The following TBL1Y variants were observed in gnomAD, a reference collection of about 807,000 sequenced individuals.
TBL1Y encodes F-box-like/WD repeat-containing protein TBL1Y.
A neutral mutation model predicts 12.0 loss-of-function variants in TBL1Y; 15 were observed. The ratio of observed to expected loss-of-function variants is 1.25; its 90% confidence interval spans 0.83 to 1.92. TBL1Y has a LOEUF of 1.92. Ranked by LOEUF, TBL1Y falls within the 40% of genes most tolerant of loss-of-function variation. The probability of loss-of-function intolerance (pLI) is 0.00; values close to 1 mark genes in which losing one functional copy is unlikely to be tolerated. For synonymous variants in TBL1Y, 53 were observed against 42.6 expected (o/e 1.24, Z -0.95); for missense variants, 148 against 116.7 (o/e 1.27, Z -1.24).
intron 2 of TBL1Y, among the ~76,000 whole-genome samples, chrY:6,968,584 G>A: frequency 3.0e-5 from 1 of 33,734 alleles, no homozygotes; most frequent in Non-Finnish European, 7.3e-5. Flanking sequence ...TGAACTTTCA[G>A]CACAACTGTG....
chrY:7,017,245 A>AC (rs2012555543), intron 4 of TBL1Y, among the ~76,000 whole-genome samples: 1 of 33,228 alleles, frequency 3.0e-5, no homozygotes, highest in Non-Finnish European at 7.4e-5. Flanking sequence ...ATATAGTGAG[A>AC]CCCCATCTCT....
chrY:6,925,607 G>A, intron 2 of TBL1Y, among the ~76,000 whole-genome samples: 2 of 32,823 alleles, frequency 6.1e-5, no homozygotes, highest in Non-Finnish European at 1.5e-4. Context: ...TTATCAGAAT[G>A]GGGTTTCACT....
intron 7 of TBL1Y, 134 bp from the exon 8 acceptor site, chrY:7,063,763 C>T: frequency 2.4e-5 from 5 of 204,360 alleles, no homozygotes; most frequent in Non-Finnish European, 3.4e-5. Flanking sequence ...CTACTTCCCC[C>T]GTGGCCCCCT....
rs774459451 is a variant in TBL1Y, at chrY:7,025,885, A to G, written c.58+743A>G. Among the ~76,000 whole-genome samples, 31 of 33,071 alleles carry G rather than the reference A, an allele frequency of 9.4e-4. No homozygotes were observed. The East Asian group carries it at 0.025, about 27-fold the overall frequency. The allele number at this position is 33,071 out of a possible 37,273, so 88.7% of individuals were successfully genotyped here. A position where few individuals can be genotyped will look rare whatever the true frequency, so the allele number is the denominator to read the frequency against. On this transcript the variant is annotated intron_variant, in intron 6 of 18. Transcript: ENST00000383032. ...TTGTCCCCTTAATACCAGATTGAATATACAGTATGGAACTTGATTATTTGA... is the reference window on the plus strand; with the variant it reads ...TTGTCCCCTTAATACCAGATTGAATGTACAGTATGGAACTTGATTATTTGA...
intron 18 of TBL1Y, among the ~76,000 whole-genome samples, chrY:7,090,827 G>T: frequency 3.0e-5 from 1 of 33,829 alleles, no homozygotes; most frequent in South Asian, 6.7e-4. Context: ...TATGTTGATG[G>T]AATGGTCATT....
intron 2 of TBL1Y, among the ~76,000 whole-genome samples, chrY:6,972,127 G>A: frequency 3.0e-5 from 1 of 33,253 alleles, no homozygotes; most frequent in South Asian, 6.7e-4. Context: ...GTTAAATTTT[G>A]GAAACTTGCC....
At chrY:6,963,886 G>T (rs771534230) in intron 2 of TBL1Y, among the ~76,000 whole-genome samples, 1 of 33,802 alleles carries the variant, frequency 3.0e-5, no homozygotes, top group South Asian at 6.6e-4. Context: ...CCTGGGGCTG[G>T]CCCTGTTTGC....
chrY:7,086,862 G>A (rs765372926), intron 16 of TBL1Y, among the ~76,000 whole-genome samples: 21 of 26,947 alleles, frequency 7.8e-4, no homozygotes, highest in African/African-American at 2.6e-3. Context: ...GTGAAACTCC[G>A]TCTCAGAAAA....
At chrY:7,061,091 CTTTTTTTTTTTTT>C (rs764930107) in intron 7 of TBL1Y, among the ~76,000 whole-genome samples, 1 of 6,203 alleles carries the variant, frequency 1.6e-4, no homozygotes, top group African/African-American at 9.3e-4. Flanking sequence ...TACATTTTTG[CTTTTTTTTTTTTT>C]TTTTTTTTTT....
At chrY:6,946,604 G>A (rs2011986939) in intron 2 of TBL1Y, among the ~76,000 whole-genome samples, 1 of 32,669 alleles carries the variant, frequency 3.1e-5, no homozygotes, top group Middle Eastern at 0.014. Context: ...GATTACAGAC[G>A]CCCACCACCA....
At chrY:6,988,665 C>A (rs1603034523) in intron 3 of TBL1Y, among the ~76,000 whole-genome samples, 14 of 26,950 alleles carry the variant, frequency 5.2e-4, no homozygotes, top group Admixed American at 4.8e-3. Context: ...GCCTCAAAAA[C>A]ATAAATAAAT....
intron 2 of TBL1Y, among the ~76,000 whole-genome samples, chrY:6,946,885 C>A: frequency 3.0e-5 from 1 of 33,764 alleles, no homozygotes; most frequent in Non-Finnish European, 7.3e-5. Flanking sequence ...GGAGGAGGGA[C>A]AGAGCTTCCA....
At chrY:7,063,733 C>G in intron 7 of TBL1Y, among the ~76,000 whole-genome samples, 164 bp from the exon 8 acceptor site, 1 of 33,249 alleles carries the variant, frequency 3.0e-5, no homozygotes, top group African/African-American at 1.2e-4. Flanking sequence ...ATTTAGAACT[C>G]ATATCTAACA....
At chrY:6,986,433 G>C (rs2012317840) in intron 3 of TBL1Y, among the ~76,000 whole-genome samples, 3 of 33,251 alleles carry the variant, frequency 9.0e-5, no homozygotes, top group Non-Finnish European at 2.2e-4. Flanking sequence ...AGGCTGAGTG[G>C]GGAGGATTGC....
At chrY:7,072,923 A>C in intron 12 of TBL1Y, among the ~76,000 whole-genome samples, 4 of 34,293 alleles carry the variant, frequency 1.2e-4, no homozygotes, top group Admixed American at 5.2e-4. Flanking sequence ...CCCAAGACTC[A>C]GCAAGAATTC....
intron 2 of TBL1Y, among the ~76,000 whole-genome samples, chrY:6,955,708 A>G: frequency 5.9e-5 from 2 of 34,010 alleles, no homozygotes; most frequent in Admixed American, 2.7e-4. Flanking sequence ...TGCTCTTACT[A>G]TACTTGGAAG....
At chrY:7,083,874 T>C in intron 14 of TBL1Y, among the ~76,000 whole-genome samples, 1 of 31,055 alleles carries the variant, frequency 3.2e-5, no homozygotes, top group Non-Finnish European at 7.8e-5. Flanking sequence ...CTTTGCAGGC[T>C]GACACTCTGT....
chrY:7,063,790 C>G, intron 7 of TBL1Y, 107 bp from the exon 8 acceptor site: 1 of 290,337 alleles, frequency 3.4e-6, no homozygotes, highest in Non-Finnish European at 5.2e-6. Context: ...TGGGAGCCAG[C>G]TATTTATGCT....
intron 2 of TBL1Y, among the ~76,000 whole-genome samples, chrY:6,928,535 G>T: frequency 6.0e-5 from 2 of 33,473 alleles, no homozygotes; most frequent in African/African-American, 2.3e-4. Flanking sequence ...AGGGCACTGG[G>T]GTGTCTGTGT....
Sources: gnomAD v4.1 joint callset for allele counts (sites outside exome capture counted in the v4.1 genomes callset) on GRCh38, gnomAD v4.1.1 for gene constraint, MANE v1.5 for transcripts, NCBI Gene and HGNC (gene_info 2026-07-23, HGNC 2026-07-21) for gene names.